The following FRRS1L variants were observed in gnomAD, a reference collection of about 807,000 sequenced individuals.
FRRS1L encodes the protein DOMON domain-containing protein FRRS1L.
FRRS1L carries 22 observed loss-of-function variants against 28.6 expected under a neutral mutation model. The ratio of observed to expected loss-of-function variants is 0.77; its 90% CI spans 0.55 to 1.10. The LOEUF (loss-of-function observed/expected upper bound fraction) is 1.10, where lower values mean the gene tolerates loss of function less well. Ranked by LOEUF, FRRS1L falls within the 50% of genes least tolerant of loss-of-function variation. FRRS1L has a pLI of 0.00. For synonymous variants in FRRS1L, 158 were observed against 151.4 expected (o/e 1.04, Z -0.32); for missense variants, 380 against 386.9 (o/e 0.98, Z 0.15).
chr9:109,151,562 C>T (rs184304316), intron 1 of FRRS1L: 10 of 238,148 alleles, frequency 4.2e-5, no homozygotes, highest in African/African-American at 1.8e-4. Flanking sequence ...CAAATGAGAC[C>T]TTCTAGTTGC....
Position 109,137,389 on chromosome 9 carries a change from C to T in FRRS1L, c.*66G>A. On this transcript the variant is annotated 3_prime_UTR_variant, in exon 5 of 5. Transcript: ENST00000561981. ...TGAAGCTAAAATTATACTGGATATT[C>T]TTTAAAAAATATATTTATACTAAAG... 1 of 1,019,544 alleles carries T rather than the reference C, an allele frequency of 9.8e-7. No individual in the cohort carries two copies. Among genetic ancestry groups the T allele is most frequent in the Non-Finnish European group, 1.3e-6 (1 of 743,098 alleles). The allele number at this position is 1,019,544 out of a possible 1,614,324, so 63.2% of individuals were successfully genotyped here.
At position 109,153,592 on chromosome 9, in the gene FRRS1L, A is replaced by G. The variant is rs368736281; in HGVS notation, c.239-3872T>C. On this transcript the variant is annotated intron_variant, in intron 1 of 4. Transcript: ENST00000561981. ...TTTTTTTCCCTGAGTTCTGTGAAAC[A>G]TTCTAGCAAATAATAGAAGCTGAAG... 2.2e-4 allele frequency among the ~76,000 whole-genome samples: 33 copies of G among 152,268 alleles called. No homozygotes were observed. In the East Asian group the frequency reaches 5.8e-3, roughly 27 times the overall value.
rs150854954 is a variant in FRRS1L, at chr9:109,155,770, C to T, written c.239-6050G>A. ...CAGAAAGATTCGTGGTTGTCTCGAG[C>T]TGGGGTGGGGAGGAGGGAGATGAGG... is the stretch of plus-strand genomic sequence containing the variant. On this transcript the variant is annotated intron_variant, in intron 1 of 4. Transcript: ENST00000561981. Among the ~76,000 whole-genome samples the T allele has an allele frequency of 4.6e-3, 686 of 149,788 alleles. 3 individuals carry two copies. Among genetic ancestry groups the T allele is most frequent in the Non-Finnish European group, 8.2e-3 (555 of 67,710 alleles).
At position 109,136,707 on chromosome 9, in the gene FRRS1L, A is replaced by G. The variant is rs1046505606; in HGVS notation, c.*748T>C. 1 of 152,120 alleles carries G rather than the reference A, an allele frequency of 6.6e-6. No homozygotes were observed. Among genetic ancestry groups the G allele is most frequent in the African/African-American group, 2.4e-5 (1 of 41,422 alleles). 9.4% of individuals were successfully genotyped at this position (152,120 alleles called of 1,614,324 possible). On this transcript the variant is annotated 3_prime_UTR_variant, in exon 5 of 5. Coordinates refer to ENST00000561981, the MANE Select transcript of FRRS1L (RefSeq NM_014334.4). ...GGCTCATTTTTGTACTTTTTAATAG[A>G]GACGGGGGTTTCACCACATTGGCCA... is the stretch of plus-strand genomic sequence containing the variant.
At chr9:109,146,754 A>G (rs1437737552) in intron 3 of FRRS1L, among the ~76,000 whole-genome samples, 1 of 152,144 alleles carries the variant, frequency 6.6e-6, no homozygotes, top group Non-Finnish European at 1.5e-5. Context: ...ATCCATGAAC[A>G]TGTGAGCAAG....
chr9:109,130,476 C>T lies in FRRS1L; in HGVS notation c.*6979G>A, dbSNP rs1451731435. On this transcript the variant is annotated 3_prime_UTR_variant, in exon 5 of 5. Coordinates refer to ENST00000561981, the MANE Select transcript of FRRS1L (RefSeq NM_014334.4). Reference sequence around the variant, plus strand: ...TAGGTAGCATCTAGGAATATTGCTACAATTACTTTACATAAATAGAAATCC... The same window carrying T: ...TAGGTAGCATCTAGGAATATTGCTATAATTACTTTACATAAATAGAAATCC... The T allele has an allele frequency of 1.3e-5, 2 of 152,126 alleles. No homozygotes were observed. Among genetic ancestry groups the T allele is most frequent in the Admixed American group, 6.6e-5 (1 of 15,262 alleles). 9.4% of individuals were successfully genotyped at this position (152,126 alleles called of 1,614,324 possible). A position where few individuals can be genotyped will look rare whatever the true frequency, so the allele number is the denominator to read the frequency against.
chr9:109,155,196 AC>A (rs2118498978), intron 1 of FRRS1L, among the ~76,000 whole-genome samples: 1 of 152,116 alleles, frequency 6.6e-6, no homozygotes, highest in South Asian at 2.1e-4. Flanking sequence ...CTTACCATTC[AC>A]CTCTATGTTT....
intron 1 of FRRS1L, among the ~76,000 whole-genome samples, chr9:109,156,268 C>G (rs1377471764): frequency 1.3e-5 from 2 of 152,198 alleles, no homozygotes; most frequent in Non-Finnish European, 2.9e-5. Flanking sequence ...TGAGAGTTTT[C>G]AAAACAATCC....
rs1267945669 is a variant in FRRS1L, at chr9:109,134,189, T to G, written c.*3266A>C. 6.6e-6 allele frequency: 1 copy of G among 152,216 alleles called. No homozygotes were observed. Among genetic ancestry groups the G allele is most frequent in the Non-Finnish European group, 1.5e-5 (1 of 68,034 alleles). The allele number at this position is 152,216 out of a possible 1,614,324, so 9.4% of individuals were successfully genotyped here. On this transcript the variant is annotated 3_prime_UTR_variant, in exon 5 of 5. Coordinates refer to ENST00000561981, the MANE Select transcript of FRRS1L (RefSeq NM_014334.4). ...ACCAAACAAACTTGCCATAGAAGTATAGTTTCACATATAGATTCATTCCAC... is the reference window on the plus strand; with the variant it reads ...ACCAAACAAACTTGCCATAGAAGTAGAGTTTCACATATAGATTCATTCCAC...
At position 109,167,039 on chromosome 9, in the gene FRRS1L, C is replaced by T. The variant is rs2118523404; in HGVS notation, c.100G>A (p.Gly34Ser). The change falls in exon 1 of 5, where the codon GGT (glycine) becomes AGT (serine). Residue 34 changes from glycine to serine, a missense_variant. Gly to Ser is a moderately conservative substitution (Grantham distance 56). Transcript: ENST00000561981. ...GGTCCCCGGCCCCCCGGGCCCGCAC[C>T]GTCGTCCGCGGGGCTGGCTGCGCAG... ...AACAASPADDGAGPGGRGPRG... is the reference protein window; with the variant it reads ...AACAASPADDSAGPGGRGPRG... The T allele has an allele frequency of 5.0e-6, 6 of 1,200,384 alleles. No homozygotes were observed. Among genetic ancestry groups the T allele is most frequent in the East Asian group, 3.6e-5 (1 of 27,620 alleles). The allele number at this position is 1,200,384 out of a possible 1,614,324, so 74.4% of individuals were successfully genotyped here.
rs541586811 is a variant in FRRS1L at position 109,155,755 on chromosome 9, C to T, written c.239-6035G>A. Among the ~76,000 whole-genome samples the T allele has an allele frequency of 7.5e-5, 11 of 146,806 alleles. No homozygotes were observed. In the East Asian group the frequency reaches 8.0e-4, roughly 11 times the overall value. ...ACACAAATATTGAATCAGAAAGATT[C>T]GTGGTTGTCTCGAGCTGGGGTGGGG... On this transcript the variant is annotated intron_variant, in intron 1 of 4. Coordinates refer to ENST00000561981, the MANE Select transcript of FRRS1L (RefSeq NM_014334.4).
chr9:109,165,002 C>T (rs1831530074), intron 1 of FRRS1L, among the ~76,000 whole-genome samples: 1 of 152,182 alleles, frequency 6.6e-6, no homozygotes, highest in Non-Finnish European at 1.5e-5. Context: ...CAGAGAGACT[C>T]AAAGGACGTA....
chr9:109,141,660 T>C, intron 3 of FRRS1L, 71 bp from the exon 4 acceptor site: 3 of 1,479,910 alleles, frequency 2.0e-6, no homozygotes, highest in South Asian at 2.5e-5. Flanking sequence ...ACTAGAAATA[T>C]ACATTCCATC....
chr9:109,159,626 C>T (rs1831456363), intron 1 of FRRS1L, among the ~76,000 whole-genome samples: 1 of 152,168 alleles, frequency 6.6e-6, no homozygotes, highest in African/African-American at 2.4e-5. Flanking sequence ...CCATTGCATT[C>T]CAGCCTGGGT....
chr9:109,142,147 G>T (rs774917847), intron 3 of FRRS1L, among the ~76,000 whole-genome samples: 4 of 151,994 alleles, frequency 2.6e-5, no homozygotes, highest in Non-Finnish European at 2.9e-5. Flanking sequence ...TAAACTTCCT[G>T]AATTTAATAA....
At chr9:109,159,587 C>T (rs1239367044) in intron 1 of FRRS1L, among the ~76,000 whole-genome samples, 6 of 152,204 alleles carry the variant, frequency 3.9e-5, no homozygotes, top group Non-Finnish European at 8.8e-5. Flanking sequence ...ATCGCTTGAA[C>T]CTGGGAAGTG....
intron 1 of FRRS1L, among the ~76,000 whole-genome samples, chr9:109,166,063 A>C (rs2118520599): frequency 6.6e-6 from 1 of 152,320 alleles, no homozygotes; most frequent in African/African-American, 2.4e-5. Context: ...AGACACATCC[A>C]CTAACAGATA....
At chr9:109,144,114 G>A (rs952105316) in intron 3 of FRRS1L, among the ~76,000 whole-genome samples, 2 of 152,102 alleles carry the variant, frequency 1.3e-5, no homozygotes, top group African/African-American at 4.8e-5. Flanking sequence ...GCCAGCTTCT[G>A]GGTGTGGCAT....
At position 109,167,005 on chromosome 9, in the gene FRRS1L, C is replaced by A; in HGVS notation, c.134G>T (p.Arg45Leu). The A allele has an allele frequency of 8.0e-7, 1 of 1,249,038 alleles. No homozygotes were observed. Among genetic ancestry groups the A allele is most frequent in the Middle Eastern group, 3.1e-4 (1 of 3,256 alleles). The allele number at this position is 1,249,038 out of a possible 1,614,324, so 77.4% of individuals were successfully genotyped here. Reference protein sequence around the residue: ...AGPGGRGPRGRARGDTGADEA... With the variant: ...AGPGGRGPRGLARGDTGADEA... ...GTCGGCGCCCGTGTCCCCCCGCGCG[C>A]GTCCCCGGGGTCCCCGGCCCCCCGG... The change falls in exon 1 of 5, where the codon CGC (arginine) becomes CTC (leucine). Residue 45 changes from arginine to leucine, a missense_variant. Physicochemically the swap from Arg to Leu is moderately radical, Grantham distance 102. Coordinates refer to ENST00000561981, the MANE Select transcript of FRRS1L (RefSeq NM_014334.4).
Sources: allele counts gnomAD v4.1 joint callset (sites outside exome capture counted in the v4.1 genomes callset), GRCh38; gene constraint gnomAD v4.1.1; transcripts MANE v1.5; gene names NCBI Gene and HGNC (gene_info 2026-07-23, HGNC 2026-07-21).